RIMS1: variants seen among roughly 807,000 people sequenced by gnomAD.
The protein encoded by RIMS1 is regulating synaptic membrane exocytosis 1.
Under a neutral mutation model 214.1 loss-of-function variants are expected in RIMS1, and 83 were observed. The observed-to-expected ratio is 0.39, with a 90% confidence interval of 0.32 to 0.47. The LOEUF (loss-of-function observed/expected upper bound fraction) is 0.47. Among genes scored for constraint, RIMS1 ranks in the 20% least tolerant of loss-of-function variants. The probability of loss-of-function intolerance (pLI) is 0.99; values close to 1 mark genes in which losing one functional copy is unlikely to be tolerated. For synonymous variants in RIMS1, 793 were observed against 786.8 expected (o/e 1.01, Z -0.13); for missense variants, 2,050 against 2,161.8 (o/e 0.95, Z 1.03).
At chr6:72,006,223 T>C (rs181465601) in intron 2 of RIMS1, among the ~76,000 whole-genome samples, 2 of 152,206 alleles carry the variant, frequency 1.3e-5, no homozygotes, top group Non-Finnish European at 2.9e-5. Context: ...TACCATCCTA[T>C]TGGGGATTAA....
chr6:72,072,867 G>A (rs2152309825), intron 2 of RIMS1, among the ~76,000 whole-genome samples: 1 of 152,256 alleles, frequency 6.6e-6, no homozygotes, highest in African/African-American at 2.4e-5. Flanking sequence ...AATATTTATT[G>A]AACTTCTGAA....
intron 6 of RIMS1, among the ~76,000 whole-genome samples, chr6:72,215,574 C>T (rs1183704267): frequency 2.0e-5 from 3 of 152,126 alleles, no homozygotes; most frequent in East Asian, 1.9e-4. Flanking sequence ...TTCCATATGC[C>T]TATGAGAAAT....
chr6:72,031,097 T>A (rs889784315), intron 2 of RIMS1, among the ~76,000 whole-genome samples: 1 of 152,186 alleles, frequency 6.6e-6, no homozygotes, highest in Non-Finnish European at 1.5e-5. Flanking sequence ...CTTGTAATTA[T>A]GAAACTTTCT....
intron 2 of RIMS1, among the ~76,000 whole-genome samples, chr6:71,982,128 A>G (rs1798652783): frequency 6.6e-6 from 1 of 152,034 alleles, no homozygotes; most frequent in Non-Finnish European, 1.5e-5. Context: ...TATCACTTTG[A>G]TTTTTCTAAC....
At chr6:72,345,154 A>C (rs1258059189) in intron 29 of RIMS1, among the ~76,000 whole-genome samples, 2 of 151,778 alleles carry the variant, frequency 1.3e-5, no homozygotes, top group Non-Finnish European at 2.9e-5. Flanking sequence ...AAGATGACCA[A>C]TTTTAATACA....
At chr6:72,213,060 G>A (rs1481949562) in intron 6 of RIMS1, 7 of 1,533,992 alleles carry the variant, frequency 4.6e-6, no homozygotes, top group Non-Finnish European at 5.2e-6. Context: ...TTGAGCAGCA[G>A]AGAGTGGTTT....
Position 71,889,525 on chromosome 6 carries a change from C to T in RIMS1, c.164+2338C>T, listed in dbSNP as rs185514046. Among the ~76,000 whole-genome samples the T allele has an allele frequency of 4.6e-4, 70 of 152,284 alleles. 1 individual carries two copies. Among genetic ancestry groups the T allele is most frequent in the African/African-American group, 1.7e-3 (70 of 41,554 alleles). ...CCTGGACCTCTGTATTAACTTTATC[C>T]ATCAGCCTCCTCTGCTAATGTCTTG... On this transcript the variant is annotated intron_variant, in intron 1 of 33. Transcript: ENST00000521978.
At chr6:72,376,830 T>A (rs2098396790) in intron 29 of RIMS1, among the ~76,000 whole-genome samples, 1 of 152,128 alleles carries the variant, frequency 6.6e-6, no homozygotes, top group South Asian at 2.1e-4. Flanking sequence ...ATCACAGGTT[T>A]TTCAGAGTCT....
chr6:72,091,878 A>T (rs1233321498), intron 2 of RIMS1, among the ~76,000 whole-genome samples: 1 of 152,230 alleles, frequency 6.6e-6, no homozygotes, highest in Non-Finnish European at 1.5e-5. Flanking sequence ...TTAATTCTAA[A>T]ATCGAAGTGT....
intron 4 of RIMS1, among the ~76,000 whole-genome samples, chr6:72,178,306 T>C (rs2047984154): frequency 6.6e-6 from 1 of 152,240 alleles, no homozygotes; most frequent in Non-Finnish European, 1.5e-5. Flanking sequence ...CTTTTTCTTA[T>C]TCTTATTTTA....
At chr6:72,391,029 G>C (rs1596165276) in intron 30 of RIMS1, 1 of 262,670 alleles carries the variant, frequency 3.8e-6, no homozygotes, top group East Asian at 6.8e-5. Flanking sequence ...GTGTACAAAT[G>C]CCACAGGTAA....
chr6:72,078,663 A>G (rs1361799575), intron 2 of RIMS1, among the ~76,000 whole-genome samples: 2 of 152,022 alleles, frequency 1.3e-5, no homozygotes, highest in African/African-American at 2.4e-5. Flanking sequence ...ACTTAGGAGA[A>G]GCAAAAACAA....
chr6:72,265,026 G>A lies in RIMS1; in HGVS notation c.3168G>A (p.Gln1056=), dbSNP rs1489346752. ...TACCTCCCAAGATGCCTTTATTACA[G>A]AGCAGTTCTCACTGGAATATTTACA... ...KTLPPKMPLL[Q]SSSHWNIYSS... The change falls in exon 20 of 34, where the codon CAG becomes CAA. Residue 1056 remains glutamine, a synonymous_variant. Coordinates refer to ENST00000521978, the MANE Select transcript of RIMS1 (RefSeq NM_014989.7). 3.8e-6 allele frequency: 6 copies of A among 1,592,370 alleles called. No homozygotes were observed. The highest frequency in any genetic ancestry group is 5.1e-6 in the Non-Finnish European group (6 of 1,167,124).
At chr6:72,349,682 G>C (rs1303837787) in intron 29 of RIMS1, among the ~76,000 whole-genome samples, 1 of 151,800 alleles carries the variant, frequency 6.6e-6, no homozygotes, top group Non-Finnish European at 1.5e-5. Context: ...TACCGGAAAG[G>C]GTTGATTAGA....
At chr6:71,923,912 ATTTTGATGCT>A (rs1780789679) in intron 1 of RIMS1, among the ~76,000 whole-genome samples, 1 of 152,032 alleles carries the variant, frequency 6.6e-6, no homozygotes, top group Non-Finnish European at 1.5e-5. Flanking sequence ...ACCTAGATAT[ATTTTGATGCT>A]TTTTCTGCTT....
At chr6:72,269,673 A>G (rs1268152193) in intron 22 of RIMS1, among the ~76,000 whole-genome samples, 2 of 152,196 alleles carry the variant, frequency 1.3e-5, no homozygotes, top group African/African-American at 4.8e-5. Flanking sequence ...TTCAGTCACA[A>G]TAAATTCAAT....
At chr6:72,020,317 A>G (rs984838359) in intron 2 of RIMS1, among the ~76,000 whole-genome samples, 2 of 152,216 alleles carry the variant, frequency 1.3e-5, no homozygotes, top group African/African-American at 4.8e-5. Flanking sequence ...TAGTCTGCAC[A>G]ATAGCCGAAG....
intron 29 of RIMS1, among the ~76,000 whole-genome samples, chr6:72,371,461 A>G (rs1257791844): frequency 6.6e-6 from 1 of 152,206 alleles, no homozygotes; most frequent in Admixed American, 6.5e-5. Context: ...GCTCTACTTA[A>G]AAGAGACAAC....
chr6:71,889,043 C>T (rs1312277007), intron 1 of RIMS1, among the ~76,000 whole-genome samples: 3 of 152,274 alleles, frequency 2.0e-5, no homozygotes, highest in African/African-American at 4.8e-5. Flanking sequence ...AACACCTTTT[C>T]GGCTTGTCAG....
Sources: allele counts gnomAD v4.1 joint callset (sites outside exome capture counted in the v4.1 genomes callset), GRCh38; gene constraint gnomAD v4.1.1; transcripts MANE v1.5; gene names NCBI Gene and HGNC (gene_info 2026-07-23, HGNC 2026-07-21).